Variants in SSH1 observed in about 807,000 individuals in gnomAD.
SSH1 encodes protein phosphatase Slingshot homolog 1.
Under a neutral mutation model 79.7 loss-of-function variants are expected in SSH1, and 43 were observed. The ratio of observed to expected loss-of-function variants is 0.54; its 90% CI spans 0.42 to 0.70. The LOEUF is 0.70. Ranked by LOEUF, SSH1 falls within the 30% of genes least tolerant of loss-of-function variation. The pLI is 0.00. For missense variants in SSH1, 1,206 were observed against 1,358.8 expected (o/e 0.89, Z 1.77); for synonymous variants, 599 against 538.3 (o/e 1.11, Z -1.56).
In SSH1 at chr12:108,795,546, A is replaced by AT. The variant is rs1044630209; in HGVS notation, c.1350-2718dup. 4.2e-3 allele frequency among the ~76,000 whole-genome samples: 619 copies of AT among 146,546 alleles called. 4 individuals are homozygous for AT. The highest frequency in any genetic ancestry group is 0.012 in the South Asian group (57 of 4,604). On this transcript the variant is annotated intron_variant, in intron 13 of 14. Transcript: ENST00000326495. ...CTGGGATTACAGCGCCTGACCCTCA[A>AT]TTTTTTTTTTTACAGCTAAAATACA...
At position 108,782,147 on chromosome 12, in the gene SSH1, A is replaced by G. The variant is rs1290696607; in HGVS notation, c.*5841T>C. 1 of 150,998 alleles carries G rather than the reference A, an allele frequency of 6.6e-6. No individual in the cohort carries two copies. Among genetic ancestry groups the G allele is most frequent in the Non-Finnish European group, 1.5e-5 (1 of 67,864 alleles). The allele number at this position is 150,998 out of a possible 1,614,324, so 9.4% of individuals were successfully genotyped here. ...GACCCAGTCTCAAAAAAAAAAAAAA[A>G]AAAATTAAAAAAAAAAAAATGGAAG... On this transcript the variant is annotated 3_prime_UTR_variant, in exon 15 of 15. Transcript: ENST00000326495.
intron 3 of SSH1, among the ~76,000 whole-genome samples, chr12:108,819,893 G>A (rs2038051637): frequency 6.6e-6 from 1 of 152,200 alleles, no homozygotes; most frequent in Admixed American, 6.5e-5. Flanking sequence ...GAAACATTGT[G>A]TTTGTTCCTT....
rs964993479 is a variant in SSH1, at chr12:108,822,219, G to A, written c.214+1039C>T. 7.2e-5 allele frequency among the ~76,000 whole-genome samples: 11 copies of A among 152,080 alleles called. No homozygotes were observed. The East Asian group carries it at 7.7e-4, about 11-fold the overall frequency. On this transcript the variant is annotated intron_variant, in intron 3 of 14. Coordinates refer to ENST00000326495, the MANE Select transcript of SSH1 (RefSeq NM_018984.4). Reference sequence around the variant, plus strand: ...CTGGCTGTGGTGACACATCAGCCTCGACCTCCTGGGCTCAAGCAATCCTCC... The same window carrying A: ...CTGGCTGTGGTGACACATCAGCCTCAACCTCCTGGGCTCAAGCAATCCTCC...
intron 2 of SSH1, among the ~76,000 whole-genome samples, chr12:108,847,872 G>T (rs1284414092): frequency 1.3e-5 from 2 of 152,188 alleles, no homozygotes; most frequent in Non-Finnish European, 2.9e-5. Flanking sequence ...AGGCGGGTGT[G>T]GCACCTGTCA....
At chr12:108,814,941 A>C in intron 5 of SSH1, among the ~76,000 whole-genome samples, 1 of 152,204 alleles carries the variant, frequency 6.6e-6, no homozygotes, top group East Asian at 1.9e-4. Flanking sequence ...TGGGCATCTA[A>C]GGCATGCCCG....
chr12:108,817,001 C>T (rs758995938), intron 5 of SSH1, 37 bp downstream of exon 5: 2 of 1,612,712 alleles, frequency 1.2e-6, no homozygotes, highest in Non-Finnish European at 1.7e-6. Flanking sequence ...ACTCTTGCCT[C>T]CCTCACAGAA....
intron 5 of SSH1, among the ~76,000 whole-genome samples, chr12:108,816,383 T>C (rs2037886406): frequency 1.3e-5 from 2 of 152,258 alleles, no homozygotes; most frequent in Admixed American, 1.3e-4. Flanking sequence ...GGGAATCTAA[T>C]CTAGTTTTAA....
chr12:108,788,726 G>A lies in SSH1; in HGVS notation c.2412C>T (p.Ser804=). Residue 804 remains serine (S), a synonymous_variant, in exon 15 of 15, where the codon AGC becomes AGT. Coordinates refer to ENST00000326495, the MANE Select transcript of SSH1 (RefSeq NM_018984.4). ...SNESEKPTTN[S]YLMQHQESII... is the part of the protein sequence containing the mutation. ...TGGACTCCTGGTGCTGCATCAGGTA[G>A]CTGTTGGTTGTCGGCTTCTCAGATT... The A allele has an allele frequency of 6.2e-7, 1 of 1,614,256 alleles. No individual in the cohort carries two copies. The highest frequency in any genetic ancestry group is 8.5e-7 in the Non-Finnish European group (1 of 1,180,044).
intron 5 of SSH1, among the ~76,000 whole-genome samples, chr12:108,813,424 A>G (rs933447792): frequency 1.1e-4 from 16 of 151,986 alleles, no homozygotes; most frequent in African/African-American, 2.9e-4. Context: ...AATCGAAAAC[A>G]TAATCCTGCT....
Position 108,800,678 on chromosome 12 carries a change from C to G in SSH1, c.1148+102G>C. The G allele has an allele frequency of 6.8e-6, 10 of 1,462,574 alleles. No individual in the cohort carries two copies. The South Asian group carries it at 8.0e-5, about 12-fold the overall frequency. 90.6% of individuals were successfully genotyped at this position (1,462,574 alleles called of 1,614,324 possible). On this transcript the variant is annotated intron_variant, in intron 12 of 14. Coordinates refer to ENST00000326495, the MANE Select transcript of SSH1 (RefSeq NM_018984.4). ...CGTCTGGAGTCCCGTTAGGATCCCC[C>G]CTCCCACCAGCCGACTTCTGCATCT...
intron 1 of SSH1, chr12:108,853,194 T>A (rs1202246364): frequency 2.0e-6 from 2 of 985,176 alleles, no homozygotes; most frequent in African/African-American, 3.5e-5. Flanking sequence ...TGAAAGCTCT[T>A]GATGGTTCTC....
At chr12:108,847,579 T>C (rs1307929113) in intron 2 of SSH1, among the ~76,000 whole-genome samples, 1 of 152,138 alleles carries the variant, frequency 6.6e-6, no homozygotes, top group Non-Finnish European at 1.5e-5. Context: ...TGCCTCAGCC[T>C]CCCGAGTAGC....
intron 6 of SSH1, among the ~76,000 whole-genome samples, chr12:108,810,547 A>G (rs1406163155): frequency 2.0e-5 from 3 of 152,196 alleles, no homozygotes; most frequent in Non-Finnish European, 4.4e-5. Context: ...AAATTAATAC[A>G]AAGATATTAA....
chr12:108,787,948 T>C lies in SSH1; in HGVS notation c.*40A>G, dbSNP rs370758979. ...CACAGTGAAAGTGAGGGAGGGATCA[T>C]ATGAAAATATCCGCCCAGCCTGACG... On this transcript the variant is annotated 3_prime_UTR_variant, in exon 15 of 15. Coordinates refer to ENST00000326495, the MANE Select transcript of SSH1 (RefSeq NM_018984.4). 1 of 1,612,660 alleles carries C rather than the reference T, an allele frequency of 6.2e-7. No homozygotes were observed. The highest frequency in any genetic ancestry group is 1.1e-5 in the South Asian group (1 of 91,016).
chr12:108,802,346 T>C lies in SSH1; in HGVS notation c.977A>G (p.Asn326Ser), dbSNP rs1404992510. The C allele has an allele frequency of 1.2e-6, 2 of 1,613,914 alleles. No homozygotes were observed. The highest frequency in any genetic ancestry group is 1.3e-5 in the African/African-American group (1 of 74,896). The change falls in exon 11 of 15, where the codon AAT becomes AGT. Residue 326 changes from asparagine to serine, a missense_variant. Around this residue, in one of 5 missense-constraint regions of SSH1, gnomAD observed 166 missense variants for 262.9 expected, o/e 0.63. Coordinates refer to ENST00000326495, the MANE Select transcript of SSH1 (RefSeq NM_018984.4). ...CCCTGAGCCCTGCAGTTCCTCCAGA[T>C]TGGATGCATTCCATTCAGAGCCCTG... ...LYLGSEWNAS[N>S]LEELQGSGVD...
intron 11 of SSH1, 113 bp from the exon 12 acceptor site, chr12:108,801,039 A>G: frequency 9.1e-7 from 1 of 1,101,170 alleles, no homozygotes; most frequent in Middle Eastern, 3.1e-4. Flanking sequence ...ACCAAGGGTC[A>G]TATGTTCGTG....
chr12:108,844,067 G>C (rs1218112906), intron 2 of SSH1, among the ~76,000 whole-genome samples: 1 of 152,108 alleles, frequency 6.6e-6, no homozygotes, highest in Non-Finnish European at 1.5e-5. Context: ...GTACGGGCAG[G>C]GGCATTTGTT....
At chr12:108,852,390 G>A (rs1004141213) in intron 2 of SSH1, among the ~76,000 whole-genome samples, 7 of 151,706 alleles carry the variant, frequency 4.6e-5, no homozygotes, top group Non-Finnish European at 5.9e-5. Context: ...TACCACGCCC[G>A]GTTAATTTTT....
intron 4 of SSH1, chr12:108,817,408 T>C: frequency 2.3e-6 from 1 of 433,814 alleles, no homozygotes; most frequent in Admixed American, 3.4e-5. Flanking sequence ...ACCCCATCTC[T>C]TACTAAAAAT....
Sources: allele counts gnomAD v4.1 joint callset (sites outside exome capture counted in the v4.1 genomes callset), GRCh38; gene constraint gnomAD v4.1.1; regional missense constraint gnomAD v4.1.1; transcripts MANE v1.5; gene names NCBI Gene and HGNC (gene_info 2026-07-23, HGNC 2026-07-21).